DPP6: variants seen among roughly 807,000 people sequenced by gnomAD.
DPP6 encodes the protein A-type potassium channel modulatory protein DPP6.
DPP6 carries 69 observed loss-of-function variants against 122.6 expected under a neutral mutation model. That is an observed-to-expected ratio of 0.56 (90% confidence interval 0.46 to 0.69). DPP6 has a LOEUF of 0.69. Ranked by LOEUF, DPP6 falls within the 30% of genes least tolerant of loss-of-function variation. DPP6 has a pLI of 0.00. For synonymous variants in DPP6, 418 were observed against 433.1 expected (o/e 0.97, Z 0.43); for missense variants, 928 against 1,116.9 (o/e 0.83, Z 2.41).
At chr7:153,824,811 C>A in the DPP6 span, among the ~76,000 whole-genome samples, 63 of 152,198 alleles carry the variant, frequency 4.1e-4, no homozygotes, top group African/African-American at 1.4e-3. Flanking sequence ...CTGAGTATTT[C>A]TTTGGCAATA....
chr7:153,907,785 G>A (rs1799910268), intron 1 of DPP6, among the ~76,000 whole-genome samples: 1 of 152,176 alleles, frequency 6.6e-6, no homozygotes, highest in Admixed American at 6.5e-5. Context: ...TTTTGGACTT[G>A]CCAGCTCCTA....
Position 154,868,608 on chromosome 7 carries a change from C to T in DPP6, c.1813+515C>T, listed in dbSNP as rs77941864. The stretch of plus-strand genomic sequence containing the variant: ...TCCTTGAACTGTCCCTCCAGTCATT[C>T]GGTAAGTTCTCCTGGGCACTAACTC... On this transcript the variant is annotated intron_variant, in intron 18 of 25. Transcript: ENST00000377770. Among the ~76,000 whole-genome samples the T allele has an allele frequency of 8.9e-3, 1,350 of 152,304 alleles. 8 individuals are homozygous for T. The highest frequency in any genetic ancestry group is 0.014 in the Middle Eastern group (4 of 294).
intron 3 of DPP6, among the ~76,000 whole-genome samples, chr7:154,482,972 A>G (rs1025772835): frequency 6.6e-6 from 1 of 152,136 alleles, no homozygotes; most frequent in Non-Finnish European, 1.5e-5. Context: ...TATGAGCAAT[A>G]ACTCGGTGGA....
At chr7:153,918,701 C>T (rs1007767276) in intron 1 of DPP6, among the ~76,000 whole-genome samples, 2 of 151,928 alleles carry the variant, frequency 1.3e-5, no homozygotes, top group African/African-American at 4.8e-5. Flanking sequence ...AAATTACAGC[C>T]GGGCATGGTG....
chr7:153,933,681 ATTCT>A (rs1801283151), intron 1 of DPP6, among the ~76,000 whole-genome samples: 1 of 32,444 alleles, frequency 3.1e-5, no homozygotes, highest in Non-Finnish European at 5.3e-5. Flanking sequence ...ACATTGCCAC[ATTCT>A]CTCTCTCTCT....
At chr7:154,209,169 C>T (rs573530567) in intron 1 of DPP6, among the ~76,000 whole-genome samples, 13 of 152,222 alleles carry the variant, frequency 8.5e-5, no homozygotes, top group African/African-American at 2.4e-4. Context: ...ATGTGATCCC[C>T]GAGGAGAACT....
At chr7:154,429,571 C>T (rs904072012) in intron 1 of DPP6, among the ~76,000 whole-genome samples, 4 of 152,158 alleles carry the variant, frequency 2.6e-5, no homozygotes, top group South Asian at 2.1e-4. Flanking sequence ...TTCGTGAACT[C>T]GGGAGGCAAT....
intron 21 of DPP6, chr7:154,883,860 A>G (rs1445967677): frequency 1.5e-5 from 1 of 67,544 alleles, no homozygotes; most frequent in African/African-American, 6.8e-5. Flanking sequence ...TGCTCACATG[A>G]TTACACATGC....
chr7:154,860,800 G>A (rs192132447), intron 17 of DPP6, among the ~76,000 whole-genome samples: 114 of 152,304 alleles, frequency 7.5e-4, no homozygotes, highest in African/African-American at 2.3e-3. Context: ...CAAAGCCCTG[G>A]CTCTCAGAAA....
intron 1 of DPP6, among the ~76,000 whole-genome samples, chr7:154,277,924 G>T (rs1350039526): frequency 1.3e-5 from 2 of 152,200 alleles, no homozygotes; most frequent in Non-Finnish European, 2.9e-5. Context: ...ACTCTCCCCA[G>T]TGAGAGTTCT....
At chr7:154,055,187 A>G (rs543152571) in intron 1 of DPP6, among the ~76,000 whole-genome samples, 9 of 144,026 alleles carry the variant, frequency 6.2e-5, no homozygotes, top group Non-Finnish European at 1.0e-4. Flanking sequence ...GCACACATAT[A>G]TACTTGCCCA....
the DPP6 span, among the ~76,000 whole-genome samples, chr7:153,858,225 T>C: frequency 1.3e-5 from 2 of 152,204 alleles, no homozygotes; most frequent in South Asian, 2.1e-4. Flanking sequence ...TCATTAATTG[T>C]AGATTTGTGG....
chr7:154,545,497 A>ATTCT (rs1554582544), intron 4 of DPP6, among the ~76,000 whole-genome samples: 1 of 122,034 alleles, frequency 8.2e-6, no homozygotes, highest in Non-Finnish European at 1.6e-5. Flanking sequence ...CCTTCCTTCC[A>ATTCT]TCCTTCCTTC....
intron 1 of DPP6, among the ~76,000 whole-genome samples, chr7:153,988,239 T>G: frequency 6.6e-6 from 1 of 152,024 alleles, no homozygotes; most frequent in South Asian, 2.1e-4. Context: ...TTTGCTCCAC[T>G]TCCCAGCCAG....
In DPP6 at chr7:154,521,316, T is replaced by A. The variant is rs143270667; in HGVS notation, c.458-19216T>A. ...CTCTATATTTTCTTTTATGTTAGGT[T>A]CAAGTGAAAAAATAATTTGCAAAAA... On this transcript the variant is annotated intron_variant, in intron 3 of 25. Coordinates refer to ENST00000377770, the MANE Select transcript of DPP6 (RefSeq NM_130797.4). Among the ~76,000 whole-genome samples, 327 of 152,250 alleles carry A rather than the reference T, an allele frequency of 2.1e-3. 3 individuals are homozygous for A. Among genetic ancestry groups the A allele is most frequent in the Non-Finnish European group, 7.9e-4 (54 of 68,010 alleles).
intron 1 of DPP6, among the ~76,000 whole-genome samples, chr7:153,969,013 T>C (rs936931702): frequency 2.0e-5 from 3 of 151,366 alleles, no homozygotes; most frequent in Non-Finnish European, 4.4e-5. Context: ...ATGGTGGACA[T>C]TGGGGTTCTT....
At chr7:154,113,416 C>T (rs564644620) in intron 1 of DPP6, among the ~76,000 whole-genome samples, 3,303 of 147,020 alleles carry the variant, frequency 0.022, 53 homozygotes, top group African/African-American at 0.081. Context: ...TATATATACA[C>T]ACACACACAC....
intron 1 of DPP6, among the ~76,000 whole-genome samples, chr7:154,358,537 G>A (rs1348233925): frequency 6.6e-6 from 1 of 152,212 alleles, no homozygotes; most frequent in African/African-American, 2.4e-5. Context: ...TGGAGGCAGA[G>A]AGAGACTGTG....
chr7:154,060,954 A>G (rs1189499724), intron 1 of DPP6, among the ~76,000 whole-genome samples: 1 of 145,932 alleles, frequency 6.9e-6, no homozygotes, highest in Non-Finnish European at 1.5e-5. Flanking sequence ...CCCATCGTTG[A>G]TGTTAAGATC....
Sources: allele counts gnomAD v4.1 joint callset (sites outside exome capture counted in the v4.1 genomes callset), GRCh38; gene constraint gnomAD v4.1.1; transcripts MANE v1.5; gene names NCBI Gene and HGNC (gene_info 2026-07-23, HGNC 2026-07-21).